The following DOCK3 variants were observed in gnomAD, a reference collection of about 807,000 sequenced individuals.
DOCK3 encodes the protein dedicator of cytokinesis protein 3.
In DOCK3, 60 loss-of-function variants were observed where a neutral mutation model predicts 265.6. That is an observed-to-expected ratio of 0.23 (90% confidence interval 0.18 to 0.28). The LOEUF (loss-of-function observed/expected upper bound fraction) is 0.28, where lower values mean the gene tolerates loss of function less well. Among genes scored for constraint, DOCK3 ranks in the 10% least tolerant of loss-of-function variants. The pLI is 1.00. For missense variants in DOCK3, 1,981 were observed against 2,594.3 expected, an observed-to-expected ratio of 0.76 and a Z score of 5.14; for synonymous variants, 881 against 938.0, an observed-to-expected ratio of 0.94 and a Z score of 1.11.
At chr3:50,803,124 G>A (rs920608794) in intron 2 of DOCK3, among the ~76,000 whole-genome samples, 24 of 151,202 alleles carry the variant, frequency 1.6e-4, no homozygotes, top group African/African-American at 4.9e-4. Flanking sequence ...TCTCGGAGAC[G>A]GGGATTTGGC....
At chr3:51,232,391 A>C (rs1560252616) in intron 19 of DOCK3, among the ~76,000 whole-genome samples, 1 of 152,190 alleles carries the variant, frequency 6.6e-6, no homozygotes, top group Non-Finnish European at 1.5e-5. Context: ...GTAGATTCCT[A>C]GTAGTGGAAT....
chr3:51,186,735 G>A (rs1195671821), intron 12 of DOCK3, among the ~76,000 whole-genome samples: 3 of 152,168 alleles, frequency 2.0e-5, no homozygotes, highest in Non-Finnish European at 1.5e-5. Flanking sequence ...GGCTGAAAGG[G>A]GCCAATGTAA....
intron 38 of DOCK3, among the ~76,000 whole-genome samples, chr3:51,343,071 C>T (rs776871127): frequency 6.6e-6 from 1 of 152,040 alleles, no homozygotes; most frequent in Non-Finnish European, 1.5e-5. Flanking sequence ...GAAAATATTC[C>T]GGGTTTTCAA....
intron 3 of DOCK3, among the ~76,000 whole-genome samples, chr3:50,844,016 G>A (rs1273690328): frequency 6.6e-6 from 1 of 152,084 alleles, no homozygotes; most frequent in African/African-American, 2.4e-5. Flanking sequence ...TTAGCCAAAA[G>A]GCTAAGAAGT....
intron 35 of DOCK3, among the ~76,000 whole-genome samples, chr3:51,338,113 T>C (rs1294504736): frequency 6.6e-6 from 1 of 152,228 alleles, no homozygotes. Context: ...CTGATGTAGC[T>C]CTGGGCTCTC....
chr3:50,841,880 TAA>T (rs1341323252), intron 3 of DOCK3, among the ~76,000 whole-genome samples, 165 bp downstream of exon 3: 1 of 151,536 alleles, frequency 6.6e-6, no homozygotes, highest in African/African-American at 2.4e-5. Flanking sequence ...CTCAGCATAT[TAA>T]AGTGTTTCTT....
chr3:51,195,581 A>AT (rs943048489), intron 12 of DOCK3, among the ~76,000 whole-genome samples: 32 of 151,456 alleles, frequency 2.1e-4, no homozygotes, highest in African/African-American at 5.8e-4. Flanking sequence ...CGCTCAGCTA[A>AT]TTTTTTTTGT....
intron 1 of DOCK3, among the ~76,000 whole-genome samples, chr3:50,772,926 GA>G (rs35100489): frequency 1.7e-3 from 249 of 143,770 alleles, no homozygotes; most frequent in African/African-American, 4.9e-3. Context: ...CACAGAAATA[GA>G]AAAAAAAAAA....
chr3:51,201,010 A>G (rs1265531282), intron 12 of DOCK3, among the ~76,000 whole-genome samples: 1 of 152,170 alleles, frequency 6.6e-6, no homozygotes. Context: ...GCCCTAAAAG[A>G]GCTCCTGAGG....
At chr3:50,921,782 C>A (rs2050483159) in intron 4 of DOCK3, among the ~76,000 whole-genome samples, 1 of 152,178 alleles carries the variant, frequency 6.6e-6, no homozygotes, top group African/African-American at 2.4e-5. Context: ...GCAGTCAGGA[C>A]CCTCAGCTGC....
At position 51,341,310 on chromosome 3, in the gene DOCK3, C is replaced by T. The variant is rs374664984; in HGVS notation, c.3840C>T (p.His1280=). Residue 1280 remains histidine (H), a synonymous_variant, in exon 38 of 53, where the codon CAC becomes CAT. Transcript: ENST00000266037. The part of the protein sequence containing the change: ...WEDRPLREFL[H]YPSQTEWQRK... ...ACCGGCCACTACGGGAATTCCTCCA[C>T]TACCCATCGCAGACAGAGTGGCAGC... The T allele has an allele frequency of 1.4e-5, 23 of 1,613,250 alleles. No individual in the cohort carries two copies. Among genetic ancestry groups the T allele is most frequent in the East Asian group, 1.3e-4 (6 of 44,868 alleles).
intron 1 of DOCK3, among the ~76,000 whole-genome samples, chr3:50,738,986 C>G (rs2038829920): frequency 6.6e-6 from 1 of 152,070 alleles, no homozygotes; most frequent in African/African-American, 2.4e-5. Flanking sequence ...AGTTTTCCAG[C>G]TAAATAAGCA....
intron 22 of DOCK3, among the ~76,000 whole-genome samples, chr3:51,252,203 T>G (rs2079286411): frequency 6.6e-6 from 1 of 152,222 alleles, no homozygotes; most frequent in South Asian, 2.1e-4. Flanking sequence ...AGGGCTCTAT[T>G]CTGTTCCATT....
At chr3:50,968,666 C>T (rs751322404) in intron 5 of DOCK3, among the ~76,000 whole-genome samples, 4 of 151,990 alleles carry the variant, frequency 2.6e-5, no homozygotes, top group Admixed American at 6.6e-5. Context: ...TCTCCTGCCT[C>T]AGCCTCCCGA....
chr3:51,081,938 G>C (rs1488032555), intron 7 of DOCK3, among the ~76,000 whole-genome samples: 1 of 151,792 alleles, frequency 6.6e-6, no homozygotes, highest in African/African-American at 2.4e-5. Context: ...GTTGCAGGGG[G>C]TGGTATCAAG....
chr3:51,084,369 A>G (rs1304163856), intron 7 of DOCK3, among the ~76,000 whole-genome samples: 1 of 152,222 alleles, frequency 6.6e-6, no homozygotes, highest in Non-Finnish European at 1.5e-5. Flanking sequence ...AATCTCCACC[A>G]GACTAATAGC....
chr3:51,371,520 G>T (rs142722710), intron 49 of DOCK3, among the ~76,000 whole-genome samples: 1 of 152,352 alleles, frequency 6.6e-6, no homozygotes, highest in East Asian at 1.9e-4. Context: ...GCATCATAGA[G>T]AAAGACTGAT....
chr3:51,314,947 C>G (rs763872754), intron 31 of DOCK3, 33 bp from the exon 32 acceptor site: 10 of 1,570,962 alleles, frequency 6.4e-6, no homozygotes, highest in African/African-American at 1.3e-5. Context: ...AGGAGCAAAG[C>G]AGGCATAAAC....
intron 27 of DOCK3, among the ~76,000 whole-genome samples, chr3:51,307,823 T>C (rs961138065): frequency 1.3e-5 from 2 of 151,844 alleles, no homozygotes; most frequent in African/African-American, 4.8e-5. Flanking sequence ...AGCCATTCTC[T>C]GGTTTGCCCG....
Sources: allele counts gnomAD v4.1 joint callset (sites outside exome capture counted in the v4.1 genomes callset), GRCh38; gene constraint gnomAD v4.1.1; transcripts MANE v1.5; gene names NCBI Gene and HGNC (gene_info 2026-07-23, HGNC 2026-07-21).